The following MACROD2 variants were observed in gnomAD, a reference collection of about 807,000 sequenced individuals.
MACROD2 encodes the protein mono-ADP ribosylhydrolase 2, also known as ADP-ribose glycohydrolase MACROD2.
MACROD2 carries 36 observed loss-of-function variants against 70.4 expected under a neutral mutation model. That is an observed-to-expected ratio of 0.51 (90% CI 0.39 to 0.68). The LOEUF is 0.68. Ranked by LOEUF, MACROD2 falls within the 30% of genes least tolerant of loss-of-function variation. The pLI, the probability that MACROD2 is intolerant of heterozygous loss-of-function variation, is 0.00. For missense variants in MACROD2, 496 were observed against 538.4 expected, an observed-to-expected ratio of 0.92 and a Z score of 0.78; for synonymous variants, 172 against 178.8, an observed-to-expected ratio of 0.96 and a Z score of 0.30.
intron 3 of MACROD2, among the ~76,000 whole-genome samples, chr20:14,177,713 A>G (rs2081274602): frequency 6.6e-6 from 1 of 152,170 alleles, no homozygotes; most frequent in African/African-American, 2.4e-5. Context: ...ATTCAACTAC[A>G]TCTGGAAATT....
At chr20:14,158,861 G>GT (rs1370139556) in intron 3 of MACROD2, among the ~76,000 whole-genome samples, 3 of 152,082 alleles carry the variant, frequency 2.0e-5, no homozygotes, top group Non-Finnish European at 4.4e-5. Flanking sequence ...CAGCTTTGTC[G>GT]TTTTTGCTCA....
intron 6 of MACROD2, among the ~76,000 whole-genome samples, chr20:15,351,271 A>C (rs1434974338): frequency 1.3e-5 from 2 of 152,208 alleles, no homozygotes; most frequent in Non-Finnish European, 2.9e-5. Context: ...AGGAAAAATA[A>C]CTAGTTTTAG....
At chr20:14,607,375 A>T (rs974644551) in intron 4 of MACROD2, among the ~76,000 whole-genome samples, 1 of 152,178 alleles carries the variant, frequency 6.6e-6, no homozygotes, top group Non-Finnish European at 1.5e-5. Flanking sequence ...GGCCCTAAAG[A>T]TGTTGAATGA....
intron 2 of MACROD2, among the ~76,000 whole-genome samples, chr20:14,044,737 C>T (rs2053444414): frequency 6.6e-6 from 1 of 152,222 alleles, no homozygotes; most frequent in Non-Finnish European, 1.5e-5. Flanking sequence ...TTCAAGTCAC[C>T]ACCAGACTCA....
At chr20:15,189,429 G>A (rs897676925) in intron 5 of MACROD2, among the ~76,000 whole-genome samples, 6 of 152,156 alleles carry the variant, frequency 3.9e-5, no homozygotes, top group Admixed American at 2.6e-4. Context: ...AGAATCAACC[G>A]GAATTCGGGC....
At chr20:15,285,005 G>A (rs998059455) in intron 6 of MACROD2, among the ~76,000 whole-genome samples, 4 of 152,072 alleles carry the variant, frequency 2.6e-5, no homozygotes, top group Middle Eastern at 3.2e-3. Flanking sequence ...GTTTGCTGAC[G>A]GCAGCAGGTT....
chr20:14,164,848 G>A (rs1397927921), intron 3 of MACROD2, among the ~76,000 whole-genome samples: 1 of 152,202 alleles, frequency 6.6e-6, no homozygotes, highest in Non-Finnish European at 1.5e-5. Context: ...TTCAGTGGGA[G>A]CAACTGTAAG....
At chr20:15,986,967 G>A in intron 14 of MACROD2, 99 bp from the exon 15 acceptor site, 1 of 1,216,434 alleles carries the variant, frequency 8.2e-7, no homozygotes, top group South Asian at 1.4e-5. Flanking sequence ...ACTTGAAGGG[G>A]GAAAAAAGAA....
At chr20:14,403,583 A>G (rs1352274322) in intron 3 of MACROD2, among the ~76,000 whole-genome samples, 3 of 152,230 alleles carry the variant, frequency 2.0e-5, no homozygotes, top group African/African-American at 7.2e-5. Flanking sequence ...CTTTAGAAAT[A>G]CAAACCAGAA....
At chr20:15,861,668 A>G (rs1289287344) in intron 8 of MACROD2, among the ~76,000 whole-genome samples, 2 of 152,172 alleles carry the variant, frequency 1.3e-5, no homozygotes, top group African/African-American at 4.8e-5. Context: ...TTCCGTCAGA[A>G]AATGTGATTG....
intron 8 of MACROD2, among the ~76,000 whole-genome samples, chr20:15,758,539 CTTTTT>C (rs11337973): frequency 1.4e-5 from 2 of 140,956 alleles, no homozygotes; most frequent in African/African-American, 5.3e-5. Flanking sequence ...TGCACCCAGT[CTTTTT>C]TTTTTTTTTT....
At chr20:15,357,221 G>A (rs952274667) in intron 6 of MACROD2, among the ~76,000 whole-genome samples, 1 of 152,172 alleles carries the variant, frequency 6.6e-6, no homozygotes, top group African/African-American at 2.4e-5. Context: ...CATAAAATAT[G>A]TGACTTGTGA....
At chr20:15,074,911 A>G (rs1305479590) in intron 5 of MACROD2, among the ~76,000 whole-genome samples, 3 of 152,216 alleles carry the variant, frequency 2.0e-5, no homozygotes, top group Admixed American at 1.3e-4. Context: ...ATAAGACAGC[A>G]TCTCTTCCAT....
rs139888011 is a variant in MACROD2, at chr20:14,393,100, A to G, written c.272-100379A>G. Among the ~76,000 whole-genome samples the G allele has an allele frequency of 1.5e-4, 23 of 152,344 alleles. 1 individual carries two copies. The highest frequency in any genetic ancestry group is 5.0e-4 in the African/African-American group (21 of 41,588). ...TTTAGACCCGAGAAAGTGGAGAGAT[A>G]TAAGAGAGAGATTATCATTACAGTT... On this transcript the variant is annotated intron_variant, in intron 3 of 17. Coordinates refer to ENST00000684519, the MANE Select transcript of MACROD2 (RefSeq NM_001351661.2).
chr20:14,539,611 T>C (rs2085406280), intron 4 of MACROD2, among the ~76,000 whole-genome samples: 1 of 152,210 alleles, frequency 6.6e-6, no homozygotes, highest in Non-Finnish European at 1.5e-5. Context: ...AAATGCTTCC[T>C]GAAACAAAGT....
intron 8 of MACROD2, among the ~76,000 whole-genome samples, chr20:15,574,206 G>A (rs1036597968): frequency 6.6e-6 from 1 of 151,796 alleles, no homozygotes. Context: ...TACTTGGCAT[G>A]TCATAATGAT....
At chr20:15,888,572 T>C (rs1004062718) in intron 10 of MACROD2, among the ~76,000 whole-genome samples, 3 of 152,192 alleles carry the variant, frequency 2.0e-5, no homozygotes, top group Non-Finnish European at 4.4e-5. Flanking sequence ...TCATTATTAA[T>C]GCTAATGCAG....
rs369011870 is a variant in MACROD2, at chr20:15,664,982, G to T, written c.645+165135G>T. On this transcript the variant is annotated intron_variant, in intron 8 of 17. Coordinates refer to ENST00000684519, the MANE Select transcript of MACROD2 (RefSeq NM_001351661.2). ...TATGATAGGGCATCCGTGGATGATT[G>T]TATGGGTTCTGTGGAGATGGCATTA... 6.0e-4 allele frequency among the ~76,000 whole-genome samples: 92 copies of T among 152,280 alleles called. 1 individual carries two copies. The South Asian group carries it at 0.018, about 29-fold the overall frequency.
At chr20:16,024,495 GTTCACACACACACACACAGACA>G (rs922904962) in intron 15 of MACROD2, among the ~76,000 whole-genome samples, 6 of 131,986 alleles carry the variant, frequency 4.5e-5, no homozygotes, top group African/African-American at 1.7e-4. Flanking sequence ...ATGCAGCCAT[GTTCACACACACACACACAGACA>G]CACACACACA....
Sources: allele counts gnomAD v4.1 joint callset (sites outside exome capture counted in the v4.1 genomes callset), GRCh38; gene constraint gnomAD v4.1.1; transcripts MANE v1.5; gene names NCBI Gene and HGNC (gene_info 2026-07-23, HGNC 2026-07-21).